The following EIPR1 variants were observed in gnomAD, a reference collection of about 807,000 sequenced individuals.
The protein encoded by EIPR1 is EARP and GARP complex-interacting protein 1.
EIPR1 carries 25 observed loss-of-function variants against 48.1 expected under a neutral mutation model. That is an observed-to-expected ratio of 0.52 (90% confidence interval 0.38 to 0.73). The LOEUF is 0.73. EIPR1 is among the 30% of genes least tolerant of loss of function. The probability of loss-of-function intolerance (pLI) is 0.00; values close to 1 mark genes in which losing one functional copy is unlikely to be tolerated. For missense variants in EIPR1, 415 were observed against 506.2 expected (o/e 0.82, Z 1.73); for synonymous variants, 204 against 201.9 (o/e 1.01, Z -0.09).
intron 3 of EIPR1, among the ~76,000 whole-genome samples, chr2:3,293,207 G>A (rs548316934): frequency 3.3e-5 from 5 of 152,348 alleles, no homozygotes; most frequent in African/African-American, 1.2e-4. Context: ...TTCTAGCACA[G>A]ATGAGGGCCT....
rs544438205 is a variant in EIPR1, at chr2:3,239,523, C to T, written c.416+17776G>A. 3.9e-5 allele frequency among the ~76,000 whole-genome samples: 6 copies of T among 152,324 alleles called. No individual in the cohort carries two copies. In the South Asian group the frequency reaches 6.2e-4, roughly 16 times the overall value. On this transcript the variant is annotated intron_variant, in intron 4 of 8. Transcript: ENST00000382125. The stretch of plus-strand genomic sequence containing the variant: ...TGGATCCGTCTTCTGATTTGGCCAT[C>T]GTGCGTCTGCTCTGCATGGACATCC...
At position 3,286,769 on chromosome 2, in the gene EIPR1, C is replaced by A. The variant is rs1668198043; in HGVS notation, c.260-29314G>T. 6.6e-6 allele frequency among the ~76,000 whole-genome samples: 1 copy of A among 152,244 alleles called. No homozygotes were observed. The highest frequency in any genetic ancestry group is 1.5e-5 in the Non-Finnish European group (1 of 68,046). ...CAGCAGCTCCAAGAGGCGGAGCTATCAATTTCACATACAGACAAGGAAACC... is the reference window on the plus strand; with the variant it reads ...CAGCAGCTCCAAGAGGCGGAGCTATAAATTTCACATACAGACAAGGAAACC... On this transcript the variant is annotated intron_variant, in intron 3 of 8. Coordinates refer to ENST00000382125, the MANE Select transcript of EIPR1 (RefSeq NM_003310.5). The surrounding 1 kb of genome is among the most constrained non-coding windows in gnomAD (Gnocchi z 4.2).
At chr2:3,287,752 T>C (rs71444242) in intron 3 of EIPR1, among the ~76,000 whole-genome samples, 19 of 102,056 alleles carry the variant, frequency 1.9e-4, no homozygotes, top group South Asian at 3.2e-4. Flanking sequence ...GCTCATTCAC[T>C]ATGCTCCAGA....
At chr2:3,236,826 A>T (rs1373504428) in intron 4 of EIPR1, among the ~76,000 whole-genome samples, 4 of 152,194 alleles carry the variant, frequency 2.6e-5, no homozygotes, top group Admixed American at 2.0e-4. Flanking sequence ...CTGAGAGTCA[A>T]CCAAGGGCTG....
At position 3,337,024 on chromosome 2, in the gene EIPR1, G is replaced by A. The variant is rs528192453; in HGVS notation, c.259+993C>T. Reference sequence around the variant, plus strand: ...GGGAAAGGGAAGGGAAAAGGGAAAAGGGAAGGGAAAAGAAAAGAGAAGGGA... The same window carrying A: ...GGGAAAGGGAAGGGAAAAGGGAAAAAGGAAGGGAAAAGAAAAGAGAAGGGA... On this transcript the variant is annotated intron_variant, in intron 3 of 8. Coordinates refer to ENST00000382125, the MANE Select transcript of EIPR1 (RefSeq NM_003310.5). 3.3e-5 allele frequency among the ~76,000 whole-genome samples: 4 copies of A among 119,468 alleles called. 1 individual carries two copies. The highest frequency in any genetic ancestry group is 1.3e-4 in the African/African-American group (4 of 31,184). 78.4% of individuals were successfully genotyped at this position (119,468 alleles called of 152,430 possible). A position where few individuals can be genotyped will look rare whatever the true frequency, so the allele number is the denominator to read the frequency against.
At chr2:3,298,945 C>G (rs1215990771) in intron 3 of EIPR1, among the ~76,000 whole-genome samples, 1 of 152,152 alleles carries the variant, frequency 6.6e-6, no homozygotes, top group Non-Finnish European at 1.5e-5. Context: ...CCTTACCTAC[C>G]CCGCTCCTGC....
chr2:3,253,598 C>T (rs1373968317), intron 4 of EIPR1, among the ~76,000 whole-genome samples: 1 of 152,186 alleles, frequency 6.6e-6, no homozygotes, highest in African/African-American at 2.4e-5. Flanking sequence ...GGACGAGAAA[C>T]CGGACTCAGT....
chr2:3,351,247 C>G (rs544825236), intron 2 of EIPR1, among the ~76,000 whole-genome samples: 1 of 152,158 alleles, frequency 6.6e-6, no homozygotes, highest in African/African-American at 2.4e-5. Flanking sequence ...GTGATCCACC[C>G]GCCTTGGCCT....
chr2:3,336,732 C>T (rs541484789), intron 3 of EIPR1, among the ~76,000 whole-genome samples: 1 of 148,814 alleles, frequency 6.7e-6, no homozygotes, highest in East Asian at 2.0e-4. Context: ...TGCACCACTG[C>T]ACTCCAGCCT....
intron 3 of EIPR1, among the ~76,000 whole-genome samples, chr2:3,313,478 C>G (rs1669190549): frequency 1.3e-5 from 2 of 152,148 alleles, no homozygotes; most frequent in Admixed American, 6.5e-5. Flanking sequence ...ACACAGAGCC[C>G]AGTCCTCCAG....
chr2:3,280,257 G>A (rs1667974670), intron 3 of EIPR1, among the ~76,000 whole-genome samples: 1 of 152,236 alleles, frequency 6.6e-6, no homozygotes, highest in African/African-American at 2.4e-5. Flanking sequence ...GCACCGTGGT[G>A]GTTACCCACA....
At chr2:3,359,651 G>C (rs1031104743) in intron 1 of EIPR1, among the ~76,000 whole-genome samples, 3 of 152,060 alleles carry the variant, frequency 2.0e-5, no homozygotes, top group African/African-American at 7.2e-5. Flanking sequence ...TATTTAATTT[G>C]GGCCATTCTG....
intron 3 of EIPR1, among the ~76,000 whole-genome samples, chr2:3,332,484 G>C (rs1669929955): frequency 6.6e-6 from 1 of 152,238 alleles, no homozygotes; most frequent in African/African-American, 2.4e-5. Flanking sequence ...AGGTTGTGCT[G>C]TTATTTGCTG....
At chr2:3,370,171 T>A (rs1265821721) in intron 1 of EIPR1, among the ~76,000 whole-genome samples, 1 of 152,062 alleles carries the variant, frequency 6.6e-6, no homozygotes, top group Non-Finnish European at 1.5e-5. Context: ...GACCTGCAGC[T>A]GAGGGTCCTG....
chr2:3,352,615 T>C (rs1670613203), intron 2 of EIPR1, among the ~76,000 whole-genome samples: 1 of 152,270 alleles, frequency 6.6e-6, no homozygotes, highest in Non-Finnish European at 1.5e-5. Context: ...AGGTCAGTAA[T>C]AGCCTAACGC....
At chr2:3,339,148 T>C (rs1358172340) in intron 2 of EIPR1, among the ~76,000 whole-genome samples, 1 of 152,228 alleles carries the variant, frequency 6.6e-6, no homozygotes, top group Non-Finnish European at 1.5e-5. Flanking sequence ...AAAGAAACTG[T>C]ACGAATGCTA....
Position 3,364,574 on chromosome 2 carries a change from G to T in EIPR1, c.43-9941C>A, listed in dbSNP as rs553729505. On this transcript the variant is annotated intron_variant, in intron 1 of 8. Transcript: ENST00000382125. ...CAATTGAGCCTGGGAGGCAGAGGGT[G>T]CAGTGAGCCGAGATTGTACCACTGC... Among the ~76,000 whole-genome samples, 59 of 151,936 alleles carry T rather than the reference G, an allele frequency of 3.9e-4. No individual in the cohort carries two copies. The Middle Eastern group carries it at 0.01, about 26-fold the overall frequency.
rs143192370 is a variant in EIPR1 at position 3,326,741 on chromosome 2, T to C, written c.259+11276A>G. Among the ~76,000 whole-genome samples the C allele has an allele frequency of 3.1e-4, 47 of 152,334 alleles. 1 individual carries two copies. Among genetic ancestry groups the C allele is most frequent in the African/African-American group, 1.1e-3 (45 of 41,572 alleles). ...TTTAGCTGCTCAGTTGTCATTCTCT[T>C]ACGTTTCCTCCTACTGATTTATTCA... On this transcript the variant is annotated intron_variant, in intron 3 of 8. Transcript: ENST00000382125.
chr2:3,216,891 G>C (rs934911125), intron 4 of EIPR1, among the ~76,000 whole-genome samples: 5 of 152,198 alleles, frequency 3.3e-5, no homozygotes, highest in Admixed American at 6.5e-5. Context: ...TTTGGATTTG[G>C]AAAATAGTCA....
Sources: gnomAD v4.1 joint callset for allele counts (sites outside exome capture counted in the v4.1 genomes callset) on GRCh38, gnomAD v4.1.1 for gene constraint, Gnocchi (gnomAD v3.1) non-coding constraint, MANE v1.5 for transcripts, NCBI Gene and HGNC (gene_info 2026-07-23, HGNC 2026-07-21) for gene names.